Variants in GLDC observed in about 807,000 individuals in gnomAD.
The protein encoded by GLDC is glycine decarboxylase.
Under a neutral mutation model 121.3 loss-of-function variants are expected in GLDC, and 104 were observed. The observed-to-expected ratio is 0.86, with a 90% CI of 0.73 to 1.01. The LOEUF (loss-of-function observed/expected upper bound fraction) is 1.01, where lower values mean the gene tolerates loss of function less well. GLDC is among the 50% of genes least tolerant of loss of function. The probability of loss-of-function intolerance (pLI) is 0.00; values close to 1 mark genes in which losing one functional copy is unlikely to be tolerated. For missense variants in GLDC, 1,429 were observed against 1,306.6 expected, an observed-to-expected ratio of 1.09 and a Z score of -1.44; for synonymous variants, 546 against 480.6, an observed-to-expected ratio of 1.14 and a Z score of -1.78.
chr9:6,568,623 G>A (rs985164715), intron 15 of GLDC, among the ~76,000 whole-genome samples: 5 of 152,238 alleles, frequency 3.3e-5, no homozygotes, highest in East Asian at 1.9e-4. Flanking sequence ...CAAGGTGGGC[G>A]GATCACCTGA....
intron 15 of GLDC, among the ~76,000 whole-genome samples, chr9:6,582,612 G>A (rs1180229665): frequency 3.3e-5 from 5 of 151,862 alleles, no homozygotes; most frequent in African/African-American, 9.7e-5. Flanking sequence ...GGTGGATCAC[G>A]AGGTCAGGAG....
At chr9:6,633,964 G>C (rs1318415840) in intron 2 of GLDC, among the ~76,000 whole-genome samples, 2 of 150,950 alleles carry the variant, frequency 1.3e-5, no homozygotes, top group Admixed American at 6.6e-5. Context: ...CGAGTAGCTG[G>C]GACTACAGGC....
intron 21 of GLDC, among the ~76,000 whole-genome samples, chr9:6,547,510 T>A (rs906205545): frequency 6.6e-6 from 1 of 152,228 alleles, no homozygotes; most frequent in South Asian, 2.1e-4. Context: ...CTCTCATATG[T>A]TATCACTGTG....
intron 2 of GLDC, among the ~76,000 whole-genome samples, chr9:6,642,401 C>T (rs1028632714): frequency 1.3e-5 from 2 of 152,016 alleles, no homozygotes; most frequent in Non-Finnish European, 2.9e-5. Flanking sequence ...CATGGTGGTG[C>T]ACGTCTGTAA....
intron 2 of GLDC, among the ~76,000 whole-genome samples, chr9:6,639,935 A>G (rs1247760189): frequency 1.3e-5 from 2 of 152,100 alleles, no homozygotes; most frequent in Non-Finnish European, 2.9e-5. Context: ...CCAGAACTCG[A>G]TTAATAACTG....
intron 22 of GLDC, among the ~76,000 whole-genome samples, chr9:6,538,484 C>A (rs1202521961): frequency 6.6e-6 from 1 of 152,216 alleles, no homozygotes. Flanking sequence ...GCTTTAAGAC[C>A]TGGAAACTGT....
At chr9:6,640,974 T>G (rs1819619203) in intron 2 of GLDC, among the ~76,000 whole-genome samples, 1 of 152,162 alleles carries the variant, frequency 6.6e-6, no homozygotes, top group Admixed American at 6.5e-5. Context: ...TGTTGTTGAG[T>G]GCGTGTGGAT....
chr9:6,639,639 A>G, intron 2 of GLDC: 1 of 596,178 alleles, frequency 1.7e-6, no homozygotes, highest in Non-Finnish European at 3.0e-6. Context: ...AATTCTAAAT[A>G]TATATATATC....
intron 8 of GLDC, 105 bp downstream of exon 8, chr9:6,602,004 A>G (rs915053741): frequency 6.5e-6 from 5 of 771,042 alleles, no homozygotes; most frequent in East Asian, 5.1e-5. Context: ...TGGTGTGCTC[A>G]CTGCTCAGGA....
At chr9:6,623,517 C>T (rs918184252) in intron 2 of GLDC, among the ~76,000 whole-genome samples, 1 of 150,860 alleles carries the variant, frequency 6.6e-6, no homozygotes, top group East Asian at 2.0e-4. Context: ...AAACCAGAGA[C>T]CTTTGTTCAC....
At chr9:6,602,591 G>A (rs1028982049) in intron 7 of GLDC, among the ~76,000 whole-genome samples, 2 of 151,874 alleles carry the variant, frequency 1.3e-5, no homozygotes, top group Non-Finnish European at 2.9e-5. Context: ...GGCCTCAGGT[G>A]ATCCGCCTGC....
At chr9:6,540,011 G>T in intron 22 of GLDC, 40 bp downstream of exon 22, 1 of 1,273,268 alleles carries the variant, frequency 7.9e-7, no homozygotes, top group Non-Finnish European at 1.1e-6. Context: ...GTGGTCCACA[G>T]CCAGCATGGG....
At chr9:6,541,823 T>C (rs1199772101) in intron 21 of GLDC, 1 of 726 alleles carries the variant, frequency 1.4e-3, no homozygotes, top group Non-Finnish European at 3.2e-3. Flanking sequence ...CGAGACTTCA[T>C]CTCAAAAAAA....
At chr9:6,622,004 T>A (rs1476966694) in intron 2 of GLDC, among the ~76,000 whole-genome samples, 1 of 152,138 alleles carries the variant, frequency 6.6e-6, no homozygotes. Flanking sequence ...TTTTCCTCTA[T>A]CAGAGAAAAA....
intron 17 of GLDC, among the ~76,000 whole-genome samples, 200 bp from the exon 18 acceptor site, chr9:6,556,502 T>C (rs1410036925): frequency 1.3e-5 from 2 of 151,940 alleles, no homozygotes; most frequent in East Asian, 1.9e-4. Flanking sequence ...AAAGAAATAA[T>C]AAGATCCTGG....
chr9:6,608,996 C>G (rs1056477347), intron 4 of GLDC, among the ~76,000 whole-genome samples: 11 of 152,128 alleles, frequency 7.2e-5, no homozygotes, highest in Admixed American at 1.3e-4. Context: ...ACTTGCTGAC[C>G]AAGTATGGAG....
intron 8 of GLDC, among the ~76,000 whole-genome samples, chr9:6,599,641 A>C (rs957953987): frequency 1.3e-5 from 2 of 151,908 alleles, no homozygotes. Flanking sequence ...GAATCGCTGG[A>C]AACTGGAAGG....
At chr9:6,623,467 C>A (rs1167160942) in intron 2 of GLDC, among the ~76,000 whole-genome samples, 3 of 150,056 alleles carry the variant, frequency 2.0e-5, no homozygotes, top group Non-Finnish European at 3.0e-5. Flanking sequence ...TACCCAGGGA[C>A]ACAAACACTG....
intron 15 of GLDC, among the ~76,000 whole-genome samples, chr9:6,568,532 A>C (rs1012903503): frequency 6.6e-6 from 1 of 152,198 alleles, no homozygotes. Context: ...ATGTGAGCAC[A>C]GCTTAAACTG....
Sources: allele counts gnomAD v4.1 joint callset (sites outside exome capture counted in the v4.1 genomes callset), GRCh38; gene constraint gnomAD v4.1.1; transcripts MANE v1.5; gene names NCBI Gene and HGNC (gene_info 2026-07-23, HGNC 2026-07-21).